The following SLCO3A1 variants were observed in gnomAD, a reference collection of about 807,000 sequenced individuals.
The protein encoded by SLCO3A1 is PGE1 transporter.
Under a neutral mutation model 63.1 loss-of-function variants are expected in SLCO3A1, and 27 were observed. The observed-to-expected ratio is 0.43, with a 90% confidence interval of 0.32 to 0.59. The LOEUF (loss-of-function observed/expected upper bound fraction) is 0.59, where lower values mean the gene tolerates loss of function less well. Ranked by LOEUF, SLCO3A1 falls within the 20% of genes least tolerant of loss-of-function variation. The pLI, the probability that SLCO3A1 is intolerant of heterozygous loss-of-function variation, is 0.09. For synonymous variants in SLCO3A1, 473 were observed against 409.9 expected, an observed-to-expected ratio of 1.15 and a Z score of -1.86; for missense variants, 773 against 945.8, an observed-to-expected ratio of 0.82 and a Z score of 2.40.
chr15:92,104,630 G>T (rs941485391), intron 4 of SLCO3A1, 88 bp downstream of exon 4: 5 of 1,377,534 alleles, frequency 3.6e-6, no homozygotes, highest in Non-Finnish European at 4.9e-6. Flanking sequence ...CAGGACTGGG[G>T]TGCTTGGGGA....
At chr15:91,947,958 A>C (rs907885409) in intron 2 of SLCO3A1, among the ~76,000 whole-genome samples, 1 of 152,196 alleles carries the variant, frequency 6.6e-6, no homozygotes, top group Non-Finnish European at 1.5e-5. Context: ...ACTGCAGCCC[A>C]GTTAGCAGGG....
At chr15:92,168,118 C>T (rs574369149), downstream of SLCO3A1, among the ~76,000 whole-genome samples, 1 of 152,284 alleles carries the variant, frequency 6.6e-6, no homozygotes, top group Non-Finnish European at 1.5e-5. Context: ...GATCTGAACA[C>T]AAACAAAACC....
Position 91,885,208 on chromosome 15 carries a change from A to C in SLCO3A1, c.181-30785A>C. Reference sequence around the variant, plus strand: ...CTCCCTCTTTGCTCCCTTTGGCGTCACTCTCCACGCCCAGTAACGAAGCCC... The same window carrying C: ...CTCCCTCTTTGCTCCCTTTGGCGTCCCTCTCCACGCCCAGTAACGAAGCCC... On this transcript the variant is annotated intron_variant, in intron 1 of 9. Transcript: ENST00000318445. The surrounding 1 kb of genome is among the most constrained non-coding windows in gnomAD (Gnocchi z 4.7). 6.6e-6 allele frequency among the ~76,000 whole-genome samples: 1 copy of C among 151,888 alleles called. No individual in the cohort carries two copies. The highest frequency in any genetic ancestry group is 1.5e-5 in the Non-Finnish European group (1 of 67,958).
At chr15:92,034,266 G>A (rs1392945068) in intron 2 of SLCO3A1, among the ~76,000 whole-genome samples, 1 of 151,514 alleles carries the variant, frequency 6.6e-6, no homozygotes, top group African/African-American at 2.4e-5. Flanking sequence ...GTAGAGAAGG[G>A]GAAGAGGCCA....
chr15:92,054,020 C>T (rs2046992738), intron 2 of SLCO3A1, among the ~76,000 whole-genome samples: 2 of 152,136 alleles, frequency 1.3e-5, no homozygotes, highest in South Asian at 4.1e-4. Context: ...CTTGTCTGTT[C>T]TCACCATCCG....
Position 92,163,189 on chromosome 15 carries a change from TA to T in SLCO3A1, c.*61del. The T allele has an allele frequency of 2.1e-6, 3 of 1,413,986 alleles. No individual in the cohort carries two copies. The highest frequency in any genetic ancestry group is 2.8e-6 in the Non-Finnish European group (3 of 1,087,818). 87.6% of individuals were successfully genotyped at this position (1,413,986 alleles called of 1,614,324 possible). ...AGTAATCCAAGGGTCATTTTTTTCT[TA>T]AAAAAAGAAAAAAAGGTTCCAAAAA... is the stretch of plus-strand genomic sequence containing the variant. On this transcript the variant is annotated 3_prime_UTR_variant, in exon 10 of 10. Transcript: ENST00000318445.
chr15:91,989,440 C>T (rs1168972249), intron 2 of SLCO3A1, among the ~76,000 whole-genome samples: 13 of 152,066 alleles, frequency 8.5e-5, no homozygotes, highest in East Asian at 1.9e-4. Context: ...ATTGTATGTC[C>T]GTAGTAAATA....
chr15:92,059,002 C>G (rs779742545), intron 2 of SLCO3A1, among the ~76,000 whole-genome samples: 1 of 152,182 alleles, frequency 6.6e-6, no homozygotes, highest in Non-Finnish European at 1.5e-5. Context: ...CTCTTATTTC[C>G]AAATGCATCG....
intron 2 of SLCO3A1, among the ~76,000 whole-genome samples, chr15:91,969,552 C>T (rs1224600103): frequency 3.9e-5 from 6 of 152,146 alleles, no homozygotes; most frequent in Admixed American, 2.0e-4. Flanking sequence ...GGTGGTCCAC[C>T]CACCTTGGCC....
intron 3 of SLCO3A1, among the ~76,000 whole-genome samples, chr15:92,097,765 G>A (rs938804670): frequency 9.2e-5 from 14 of 152,144 alleles, no homozygotes; most frequent in Non-Finnish European, 1.9e-4. Context: ...GCTCTTTACC[G>A]GTAGAGGGCA....
At position 91,853,716 on chromosome 15, in the gene SLCO3A1, G is replaced by T; in HGVS notation, c.-193G>T. The T allele has an allele frequency of 1.0e-5, 4 of 383,288 alleles. No homozygotes were observed. The highest frequency in any genetic ancestry group is 1.5e-5 in the Non-Finnish European group (4 of 275,344). 23.7% of individuals were successfully genotyped at this position (383,288 alleles called of 1,614,324 possible). A position where few individuals can be genotyped will look rare whatever the true frequency, so the allele number is the denominator to read the frequency against. On this transcript the variant is annotated 5_prime_UTR_variant, in exon 1 of 10. Coordinates refer to ENST00000318445, the MANE Select transcript of SLCO3A1 (RefSeq NM_013272.4). Reference sequence around the variant, plus strand: ...AGGAGGAGGAGGAAGGGGCGATCGCGGCGGCGGCGGCGGCGGCGAGGAGCT... The same window carrying T: ...AGGAGGAGGAGGAAGGGGCGATCGCTGCGGCGGCGGCGGCGGCGAGGAGCT...
intron 1 of SLCO3A1, among the ~76,000 whole-genome samples, chr15:91,890,593 G>T (rs919797401): frequency 1.3e-5 from 2 of 152,184 alleles, no homozygotes; most frequent in African/African-American, 4.8e-5. Flanking sequence ...TTCCTCCCAT[G>T]AAGAGACTTA....
At chr15:92,130,846 C>A (rs1234768366) in intron 7 of SLCO3A1, among the ~76,000 whole-genome samples, 2 of 150,628 alleles carry the variant, frequency 1.3e-5, no homozygotes, top group Non-Finnish European at 3.0e-5. Flanking sequence ...CCTCCCTCGC[C>A]CCCTTTTTTC....
chr15:92,068,523 A>G (rs756801472), intron 2 of SLCO3A1, among the ~76,000 whole-genome samples: 13 of 152,204 alleles, frequency 8.5e-5, no homozygotes, highest in Non-Finnish European at 1.9e-4. Context: ...TCAAATAATT[A>G]TCATTCATCA....
In SLCO3A1 at chr15:91,963,385, G is replaced by C. The variant is rs573068984; in HGVS notation, c.646+46927G>C. Among the ~76,000 whole-genome samples, 507 of 120,814 alleles carry C rather than the reference G, an allele frequency of 4.2e-3. 2 individuals are homozygous for C. The highest frequency in any genetic ancestry group is 0.014 in the African/African-American group (439 of 31,986). 79.3% of individuals were successfully genotyped at this position (120,814 alleles called of 152,430 possible). A position where few individuals can be genotyped will look rare whatever the true frequency, so the allele number is the denominator to read the frequency against. ...CCAGGCCTGCCACAGTTTCTCTCTCGTGAGGGTTTAACTCGGGGAGGGTGG... is the reference window on the plus strand; with the variant it reads ...CCAGGCCTGCCACAGTTTCTCTCTCCTGAGGGTTTAACTCGGGGAGGGTGG... On this transcript the variant is annotated intron_variant, in intron 2 of 9. Coordinates refer to ENST00000318445, the MANE Select transcript of SLCO3A1 (RefSeq NM_013272.4).
intron 8 of SLCO3A1, chr15:92,148,737 AAAAAAG>A (rs1439760813): frequency 6.6e-6 from 1 of 152,244 alleles, no homozygotes; most frequent in African/African-American, 2.4e-5. Flanking sequence ...TACAAGAAGA[AAAAAAG>A]AAAGAGCTCA....
At chr15:91,987,329 C>T (rs2046066518) in intron 2 of SLCO3A1, among the ~76,000 whole-genome samples, 1 of 152,126 alleles carries the variant, frequency 6.6e-6, no homozygotes, top group African/African-American at 2.4e-5. Context: ...CACGTATTTA[C>T]TGAACACCTA....
rs535905551 is a variant in SLCO3A1, at chr15:91,872,832, C to A, written c.180+18744C>A. Among the ~76,000 whole-genome samples the A allele has an allele frequency of 1.7e-4, 26 of 152,284 alleles. No individual in the cohort carries two copies. In the South Asian group the frequency reaches 5.4e-3, roughly 32 times the overall value. ...GACCAGAGAATAACTTCACCAGGGC[C>A]AGAGAATCTGTTCTCTGTTCCCTTC... On this transcript the variant is annotated intron_variant, in intron 1 of 9. Coordinates refer to ENST00000318445, the MANE Select transcript of SLCO3A1 (RefSeq NM_013272.4). The surrounding 1 kb of genome is among the most constrained non-coding windows in gnomAD (Gnocchi z 4.1).
intron 9 of SLCO3A1, among the ~76,000 whole-genome samples, chr15:92,152,664 G>A (rs765532320): frequency 6.6e-6 from 1 of 152,170 alleles, no homozygotes; most frequent in South Asian, 2.1e-4. Context: ...GGGGTGGATC[G>A]ATAGGTGGAT....
Sources: allele counts gnomAD v4.1 joint callset (sites outside exome capture counted in the v4.1 genomes callset), GRCh38; gene constraint gnomAD v4.1.1; non-coding constraint Gnocchi (gnomAD v3.1); transcripts MANE v1.5; gene names NCBI Gene and HGNC (gene_info 2026-07-23, HGNC 2026-07-21).